TENM4: variants seen among roughly 807,000 people sequenced by gnomAD.
The protein encoded by TENM4 is teneurin transmembrane protein 4.
A neutral mutation model predicts 243.3 loss-of-function variants in TENM4; 82 were observed. That is an observed-to-expected ratio of 0.34 (90% CI 0.28 to 0.40). The LOEUF (loss-of-function observed/expected upper bound fraction) is 0.40. Among genes scored for constraint, TENM4 ranks in the 10% least tolerant of loss-of-function variants. The pLI is 1.00. For missense variants in TENM4, 3,138 were observed against 3,673.3 expected (o/e 0.85, Z 3.77); for synonymous variants, 1,412 against 1,456.3 (o/e 0.97, Z 0.69).
rs749323293 is a variant in TENM4, at chr11:78,708,522, G to T, written c.4055-7C>A. On this transcript the variant is annotated splice_polypyrimidine_tract_variant and splice_region_variant and intron_variant, in intron 26 of 33. Coordinates refer to ENST00000278550, the MANE Select transcript of TENM4 (RefSeq NM_001098816.3). ...AACTTGTCCACTGTAATGCCTGGGG[G>T]CAGAGAAGCCAAAACAGGAACTCAG... The T allele has an allele frequency of 1.4e-5, 22 of 1,613,022 alleles. No homozygotes were observed. The highest frequency in any genetic ancestry group is 1.5e-5 in the Non-Finnish European group (18 of 1,179,538).
chr11:78,778,672 G>A lies in TENM4; in HGVS notation c.2366-44C>T, dbSNP rs987444325. 9 of 1,581,542 alleles carry A rather than the reference G, an allele frequency of 5.7e-6. No homozygotes were observed. The African/African-American group carries it at 1.2e-4, about 21-fold the overall frequency. ...GGACATTTAAGGTAGGATCCAGTAAGTGCAATATCGCCTGCCACATAACCA... is the reference window on the plus strand; with the variant it reads ...GGACATTTAAGGTAGGATCCAGTAAATGCAATATCGCCTGCCACATAACCA... On this transcript the variant is annotated intron_variant, in intron 16 of 33. Coordinates refer to ENST00000278550, the MANE Select transcript of TENM4 (RefSeq NM_001098816.3).
intron 1 of TENM4, among the ~76,000 whole-genome samples, chr11:79,420,581 T>C (rs974208121): frequency 1.3e-5 from 2 of 152,200 alleles, no homozygotes; most frequent in African/African-American, 4.8e-5. Context: ...GAGATTCGCA[T>C]AAGCATAGTG....
intron 2 of TENM4, among the ~76,000 whole-genome samples, chr11:79,240,499 A>G (rs992287281): frequency 3.3e-5 from 5 of 152,130 alleles, no homozygotes; most frequent in African/African-American, 1.2e-4. Context: ...TCCTTGGCTG[A>G]ATTTCTATGG....
intron 4 of TENM4, among the ~76,000 whole-genome samples, chr11:79,135,894 G>A (rs968095398): frequency 1.3e-5 from 2 of 151,062 alleles, no homozygotes; most frequent in Non-Finnish European, 2.9e-5. Flanking sequence ...CAGAAATCTG[G>A]ATGAGATTGG....
intron 12 of TENM4, among the ~76,000 whole-genome samples, chr11:78,842,581 G>A (rs1858285258): frequency 6.6e-6 from 1 of 152,224 alleles, no homozygotes; most frequent in Admixed American, 6.5e-5. Flanking sequence ...GCCTGTCCCA[G>A]GCTGGCCTGA....
chr11:79,076,823 G>T (rs1471270709), intron 4 of TENM4, among the ~76,000 whole-genome samples: 1 of 152,058 alleles, frequency 6.6e-6, no homozygotes, highest in African/African-American at 2.4e-5. Context: ...TCATGTGCTT[G>T]GTACTGTGTA....
chr11:78,971,948 G>A (rs893634816), intron 6 of TENM4, among the ~76,000 whole-genome samples: 28 of 152,282 alleles, frequency 1.8e-4, no homozygotes, highest in Admixed American at 1.4e-3. Context: ...AGAGCATGAT[G>A]CAAAACTGCG....
At chr11:79,048,002 A>G (rs1327069376) in intron 6 of TENM4, among the ~76,000 whole-genome samples, 2 of 152,224 alleles carry the variant, frequency 1.3e-5, no homozygotes, top group African/African-American at 4.8e-5. Context: ...ACACAGATTT[A>G]TCATGGCCAC....
chr11:79,322,534 G>T (rs1324986659), intron 1 of TENM4, among the ~76,000 whole-genome samples: 1 of 151,920 alleles, frequency 6.6e-6, no homozygotes, highest in Non-Finnish European at 1.5e-5. Context: ...CTGCTCTAGT[G>T]CCAAGAAAAG....
chr11:79,285,861 G>T (rs566119932), intron 2 of TENM4, among the ~76,000 whole-genome samples: 227 of 152,284 alleles, frequency 1.5e-3, no homozygotes, highest in South Asian at 3.7e-3. Flanking sequence ...TAGTGGAGTG[G>T]TTGGCAAGGG....
chr11:78,832,400 C>T (rs926234089), intron 12 of TENM4, among the ~76,000 whole-genome samples: 4 of 152,256 alleles, frequency 2.6e-5, no homozygotes, highest in African/African-American at 9.6e-5. Flanking sequence ...ACTTGCACTG[C>T]CTTTGTCTCC....
At chr11:79,358,829 A>G (rs1441148291) in intron 1 of TENM4, among the ~76,000 whole-genome samples, 1 of 151,996 alleles carries the variant, frequency 6.6e-6, no homozygotes, top group Non-Finnish European at 1.5e-5. Flanking sequence ...TTCAATAAAT[A>G]CTAACTGAAC....
At chr11:79,328,675 C>T (rs577556264) in intron 1 of TENM4, among the ~76,000 whole-genome samples, 21 of 152,124 alleles carry the variant, frequency 1.4e-4, no homozygotes, top group Middle Eastern at 6.8e-3. Context: ...ATGTGGTGGA[C>T]GAGGGGATCA....
intron 4 of TENM4, among the ~76,000 whole-genome samples, chr11:79,110,782 A>T (rs1401748308): frequency 6.6e-6 from 1 of 152,192 alleles, no homozygotes; most frequent in Non-Finnish European, 1.5e-5. Context: ...CACCTGGGAC[A>T]TGGTATCTGA....
chr11:79,209,281 C>T (rs867995662), intron 3 of TENM4, among the ~76,000 whole-genome samples: 1 of 152,208 alleles, frequency 6.6e-6, no homozygotes. Context: ...TGAGTTCACT[C>T]TGCTAACCCC....
intron 28 of TENM4, among the ~76,000 whole-genome samples, chr11:78,691,681 G>A (rs562667103): frequency 1.8e-4 from 27 of 152,308 alleles, no homozygotes; most frequent in Admixed American, 7.2e-4. Flanking sequence ...AAGATACAAT[G>A]AAAAGGCCCC....
chr11:79,085,740 C>G (rs1397908160), intron 4 of TENM4, among the ~76,000 whole-genome samples: 2 of 97,184 alleles, frequency 2.1e-5, no homozygotes, highest in African/African-American at 7.8e-5. Flanking sequence ...TTTCTTTTGG[C>G]TAATGTAAAA....
chr11:78,773,169 T>C (rs1856674360), intron 17 of TENM4, among the ~76,000 whole-genome samples: 1 of 152,268 alleles, frequency 6.6e-6, no homozygotes, highest in African/African-American at 2.4e-5. Flanking sequence ...AAGTAGGGTC[T>C]GATCTTTAAC....
rs1859316804 is a variant in TENM4, at chr11:79,438,129, C to G, written c.-321+2380G>C. On this transcript the variant is annotated intron_variant, in intron 1 of 33. Transcript: ENST00000278550. The surrounding 1 kb of genome is among the most constrained non-coding windows in gnomAD (Gnocchi z 4.1). ...GTGGCAAAAACAAAACACTCCCCAC[C>G]CATGCACATCACCATCTCCTGACTG... 6.6e-6 allele frequency among the ~76,000 whole-genome samples: 1 copy of G among 152,080 alleles called. No individual in the cohort carries two copies. The highest frequency in any genetic ancestry group is 2.1e-4 in the South Asian group (1 of 4,822).
Sources: gnomAD v4.1 joint callset for allele counts (sites outside exome capture counted in the v4.1 genomes callset) on GRCh38, gnomAD v4.1.1 for gene constraint, Gnocchi (gnomAD v3.1) non-coding constraint, MANE v1.5 for transcripts, NCBI Gene and HGNC (gene_info 2026-07-23, HGNC 2026-07-21) for gene names.